The following OSCP1 variants were observed in gnomAD, a reference collection of about 807,000 sequenced individuals.
OSCP1 encodes protein OSCP1.
A neutral mutation model predicts 45.1 loss-of-function variants in OSCP1; 35 were observed. The ratio of observed to expected loss-of-function variants is 0.78; its 90% CI spans 0.59 to 1.03. OSCP1 has a LOEUF of 1.03. OSCP1 is among the 50% of genes least tolerant of loss of function. The pLI is 0.00. For missense variants in OSCP1, 400 were observed against 470.7 expected (o/e 0.85, Z 1.39); for synonymous variants, 179 against 180.1 (o/e 0.99, Z 0.05).
At chr1:36,426,064 C>T (rs1418623176) in intron 4 of OSCP1, among the ~76,000 whole-genome samples, 1 of 152,106 alleles carries the variant, frequency 6.6e-6, no homozygotes, top group Non-Finnish European at 1.5e-5. Flanking sequence ...CTGGTTTGGT[C>T]AGAGGGTTTG....
intron 2 of OSCP1, 98 bp downstream of exon 2, chr1:36,438,658 G>GA (rs138268348): frequency 0.1 from 141,657 of 1,391,340 alleles, 8,071 homozygotes; most frequent in East Asian, 0.26. Context: ...TTCTTGCAAG[G>GA]ACCATTGCAT....
In OSCP1 at chr1:36,445,484, A is replaced by G. The variant is rs143337420; in HGVS notation, c.112+4774T>C. Among the ~76,000 whole-genome samples the G allele has an allele frequency of 5.9e-3, 903 of 152,372 alleles. 10 individuals carry two copies. The highest frequency in any genetic ancestry group is 0.021 in the African/African-American group (860 of 41,580). On this transcript the variant is annotated intron_variant, in intron 1 of 9. Transcript: ENST00000235532. ...ACACATGGCTTCAATACATAATACC[A>G]AAAGCTCCCAAGAGAGCAGTCTGAA...
chr1:36,448,008 T>G (rs1270561633), intron 1 of OSCP1: 10 of 366,472 alleles, frequency 2.7e-5, no homozygotes, highest in South Asian at 1.9e-4. Context: ...CCTCTAGTAT[T>G]CCAAGGGCCT....
At chr1:36,423,218 C>T (rs1647757602) in intron 5 of OSCP1, 145 bp downstream of exon 5, 2 of 768,744 alleles carry the variant, frequency 2.6e-6, no homozygotes, top group Non-Finnish European at 4.4e-6. Context: ...GGATTAGAAC[C>T]TGACTTTTTC....
At chr1:36,426,679 C>T (rs1043612827) in intron 4 of OSCP1, among the ~76,000 whole-genome samples, 7 of 152,110 alleles carry the variant, frequency 4.6e-5, no homozygotes, top group Non-Finnish European at 1.0e-4. Flanking sequence ...GTCTGGTCTC[C>T]CTGCCTTCCT....
At chr1:36,428,385 T>G in intron 4 of OSCP1, 1 of 1,614,124 alleles carries the variant, frequency 6.2e-7, no homozygotes, top group Non-Finnish European at 8.5e-7. Context: ...GTCAGTCTCC[T>G]TCTCCTGTCC....
chr1:36,429,385 CA>C (rs57925548), intron 4 of OSCP1, among the ~76,000 whole-genome samples: 3,275 of 127,340 alleles, frequency 0.026, 102 homozygotes, highest in African/African-American at 0.085. Flanking sequence ...GAACCTGTCT[CA>C]AAAAAAAAAA....
intron 2 of OSCP1, among the ~76,000 whole-genome samples, 185 bp downstream of exon 2, chr1:36,438,571 G>A (rs1648913204): frequency 6.6e-6 from 1 of 152,212 alleles, no homozygotes; most frequent in South Asian, 2.1e-4. Context: ...ATAAACAACA[G>A]AGGGGTTGTT....
At chr1:36,439,763 T>C (rs1447164441) in intron 1 of OSCP1, among the ~76,000 whole-genome samples, 1 of 152,246 alleles carries the variant, frequency 6.6e-6, no homozygotes, top group Non-Finnish European at 1.5e-5. Flanking sequence ...GATACTACAG[T>C]GTAGTGCTAT....
chr1:36,444,004 C>T (rs1365153015), intron 1 of OSCP1: 62 of 1,613,482 alleles, frequency 3.8e-5, no homozygotes, highest in Non-Finnish European at 5.1e-5. Context: ...GATAGCATAC[C>T]TCGTTTTCTG....
At chr1:36,441,953 C>G (rs1383612044) in intron 1 of OSCP1, among the ~76,000 whole-genome samples, 1 of 151,660 alleles carries the variant, frequency 6.6e-6, no homozygotes, top group Non-Finnish European at 1.5e-5. Context: ...GGGGGCCGGG[C>G]GCAGTGGCTC....
intron 4 of OSCP1, among the ~76,000 whole-genome samples, chr1:36,425,631 G>A (rs907358089): frequency 6.6e-6 from 1 of 151,940 alleles, no homozygotes; most frequent in African/African-American, 2.4e-5. Context: ...TACTCGGGAG[G>A]CTGAGGCAGG....
At chr1:36,419,282 C>G in intron 8 of OSCP1, 1 of 534,682 alleles carries the variant, frequency 1.9e-6, no homozygotes, top group East Asian at 3.0e-5. Context: ...TGTTTCTTCC[C>G]TTCCTCTGCT....
At chr1:36,424,229 C>T (rs761968024) in intron 4 of OSCP1, among the ~76,000 whole-genome samples, 32 of 152,212 alleles carry the variant, frequency 2.1e-4, no homozygotes, top group Non-Finnish European at 3.4e-4. Flanking sequence ...GCGTGAGCCA[C>T]CGTGCTCGGC....
chr1:36,448,978 A>C (rs561831828), intron 1 of OSCP1, among the ~76,000 whole-genome samples: 1 of 152,288 alleles, frequency 6.6e-6, no homozygotes, highest in African/African-American at 2.4e-5. Context: ...GTGCAGAATG[A>C]ATGGAGGGGG....
chr1:36,434,749 CAAAAAA>C (rs71053933), intron 2 of OSCP1, among the ~76,000 whole-genome samples: 1 of 69,862 alleles, frequency 1.4e-5, no homozygotes, highest in Middle Eastern at 7.0e-3. Context: ...GACTTTGTCT[CAAAAAA>C]AAAAAAAAAA....
Position 36,450,428 on chromosome 1 carries a change from A to C in OSCP1, c.-59T>G. The C allele has an allele frequency of 1.4e-6, 2 of 1,403,010 alleles. No individual in the cohort carries two copies. 86.9% of individuals were successfully genotyped at this position (1,403,010 alleles called of 1,614,324 possible). ...CCGGGGTTCGGTAGCCAGTGGCCTG[A>C]AGGCCAGGCCGCAGCGTCCCAATAG... On this transcript the variant is annotated 5_prime_UTR_variant, in exon 1 of 10. Coordinates refer to ENST00000235532, the MANE Select transcript of OSCP1 (RefSeq NM_145047.5).
chr1:36,425,835 G>A (rs556129319), intron 4 of OSCP1, among the ~76,000 whole-genome samples: 1 of 152,026 alleles, frequency 6.6e-6, no homozygotes, highest in South Asian at 2.1e-4. Flanking sequence ...CAGGACACAA[G>A]CATAAAATGG....
At chr1:36,419,977 CT>C (rs56851568) in intron 8 of OSCP1, among the ~76,000 whole-genome samples, 3,975 of 136,180 alleles carry the variant, frequency 0.029, 153 homozygotes, top group African/African-American at 0.096. Flanking sequence ...CACACCGTCT[CT>C]TTTTTTTTTT....
Sources: allele counts gnomAD v4.1 joint callset (sites outside exome capture counted in the v4.1 genomes callset), GRCh38; gene constraint gnomAD v4.1.1; transcripts MANE v1.5; gene names NCBI Gene and HGNC (gene_info 2026-07-23, HGNC 2026-07-21).